Variants in SNTG2 observed in about 807,000 individuals in gnomAD.
SNTG2 encodes the protein syntrophin gamma 2.
A neutral mutation model predicts 70.9 loss-of-function variants in SNTG2; 74 were observed. The observed-to-expected ratio is 1.04, with a 90% confidence interval of 0.86 to 1.27. The LOEUF is 1.27. SNTG2 is among the 50% of genes most tolerant of loss of function. The pLI is 0.00. For missense variants in SNTG2, 717 were observed against 690.7 expected (o/e 1.04, Z -0.43); for synonymous variants, 278 against 273.8 (o/e 1.02, Z -0.15).
intron 1 of SNTG2, among the ~76,000 whole-genome samples, chr2:998,285 A>C (rs1003146653): frequency 3.3e-5 from 5 of 152,188 alleles, no homozygotes; most frequent in African/African-American, 1.2e-4. Context: ...ATTCTCTAGC[A>C]GTATATCCTA....
chr2:1,120,932 A>G (rs114697801), intron 4 of SNTG2, among the ~76,000 whole-genome samples: 3,191 of 152,216 alleles, frequency 0.021, 114 homozygotes, highest in African/African-American at 0.073. Context: ...AGAACTTTCC[A>G]TGCAATAGCA....
At chr2:1,139,617 G>A (rs1668618487) in intron 6 of SNTG2, among the ~76,000 whole-genome samples, 1 of 152,118 alleles carries the variant, frequency 6.6e-6, no homozygotes, top group Non-Finnish European at 1.5e-5. Flanking sequence ...CTTGAGGCCA[G>A]AGGTTCAAGT....
intron 16 of SNTG2, among the ~76,000 whole-genome samples, chr2:1,334,880 C>A (rs575268806): frequency 6.6e-6 from 1 of 152,266 alleles, no homozygotes; most frequent in Admixed American, 6.5e-5. Flanking sequence ...TCTCAGAAAT[C>A]ACTGCTAAAC....
chr2:1,322,297 C>T (rs74668000), intron 16 of SNTG2, among the ~76,000 whole-genome samples: 2,341 of 152,266 alleles, frequency 0.015, 60 homozygotes, highest in African/African-American at 0.053. Flanking sequence ...GACTGCTCTC[C>T]AGAGGCAACC....
chr2:1,173,166 G>A lies in SNTG2; in HGVS notation c.574G>A (p.Gly192Arg), dbSNP rs145266598. The A allele has an allele frequency of 5.3e-5, 86 of 1,613,900 alleles. 1 individual carries two copies. The East Asian group carries it at 1.1e-3, about 21-fold the overall frequency. The change falls in exon 8 of 17, where the codon GGA becomes AGA. Residue 192 changes from glycine (G) to arginine (R), a missense_variant. Coordinates refer to ENST00000308624, the MANE Select transcript of SNTG2 (RefSeq NM_018968.4). Reference protein sequence around the residue: ...PLFDSGLHLNGNSSTTAPSSP... With the variant: ...PLFDSGLHLNRNSSTTAPSSP... ...CTTTGACAGCGGTTTGCATCTGAAC[G>A]GAAACTCCAGTACCACAGTAAGCAT...
At chr2:1,223,347 C>T (rs62107213) in intron 9 of SNTG2, among the ~76,000 whole-genome samples, 3,054 of 82,772 alleles carry the variant, frequency 0.037, no homozygotes, top group Non-Finnish European at 0.045. Flanking sequence ...TGATGGAGGG[C>T]GTCTCCCTGT....
At chr2:1,151,665 C>T (rs757524732) in intron 6 of SNTG2, among the ~76,000 whole-genome samples, 3 of 152,092 alleles carry the variant, frequency 2.0e-5, no homozygotes, top group Non-Finnish European at 2.9e-5. Context: ...TAGGCTGCTC[C>T]GAAAGCCTTT....
chr2:1,180,602 A>T (rs1178816645), intron 8 of SNTG2, among the ~76,000 whole-genome samples: 1 of 148,158 alleles, frequency 6.7e-6, no homozygotes, highest in African/African-American at 2.5e-5. Context: ...AAATAGGAAC[A>T]CTTTTACACT....
intron 1 of SNTG2, among the ~76,000 whole-genome samples, chr2:973,977 A>C (rs1173644168): frequency 2.0e-5 from 3 of 152,020 alleles, no homozygotes; most frequent in African/African-American, 7.2e-5. Flanking sequence ...GTCATTTTGA[A>C]ATTTCTGTCT....
At chr2:1,246,951 T>A (rs1359382338) in intron 11 of SNTG2, among the ~76,000 whole-genome samples, 1 of 152,170 alleles carries the variant, frequency 6.6e-6, no homozygotes, top group Non-Finnish European at 1.5e-5. Flanking sequence ...ACTATAGGAA[T>A]GAAAAATATA....
chr2:1,130,354 C>G (rs1207006605), intron 4 of SNTG2, among the ~76,000 whole-genome samples: 3 of 152,098 alleles, frequency 2.0e-5, no homozygotes, highest in Non-Finnish European at 4.4e-5. Context: ...TGAATAAAAC[C>G]AACTAATGTA....
At chr2:1,070,027 G>C (rs1418032297) in intron 1 of SNTG2, among the ~76,000 whole-genome samples, 1 of 151,994 alleles carries the variant, frequency 6.6e-6, no homozygotes, top group Non-Finnish European at 1.5e-5. Flanking sequence ...TGTTTCTGCA[G>C]TGACGTCAGT....
chr2:1,084,137 C>G (rs1198637226), intron 2 of SNTG2, among the ~76,000 whole-genome samples: 1 of 152,178 alleles, frequency 6.6e-6, no homozygotes, highest in Admixed American at 6.5e-5. Context: ...TTCCAAAAAC[C>G]ATTTCCATTC....
At chr2:1,182,887 G>A (rs988413755) in intron 8 of SNTG2, among the ~76,000 whole-genome samples, 3 of 152,066 alleles carry the variant, frequency 2.0e-5, no homozygotes, top group Non-Finnish European at 2.9e-5. Flanking sequence ...CCAGTAGCTG[G>A]GGCTATAGGT....
chr2:1,202,944 A>G (rs1323652430), intron 8 of SNTG2, among the ~76,000 whole-genome samples: 1 of 145,608 alleles, frequency 6.9e-6, no homozygotes, highest in Non-Finnish European at 1.5e-5. Context: ...TGGGAAAAAC[A>G]CAGAGAAATC....
intron 16 of SNTG2, among the ~76,000 whole-genome samples, chr2:1,324,900 G>C (rs1421090505): frequency 6.6e-6 from 1 of 152,180 alleles, no homozygotes; most frequent in Non-Finnish European, 1.5e-5. Flanking sequence ...ATCAGACTGT[G>C]CTGGTAGTAT....
chr2:1,004,601 C>T lies in SNTG2; in HGVS notation c.72+53533C>T, dbSNP rs571301699. Reference sequence around the variant, plus strand: ...ATGTCAGGGAATTGCAAATTACAGCCGCAATGAGACAACCCTACACCACTG... The same window carrying T: ...ATGTCAGGGAATTGCAAATTACAGCTGCAATGAGACAACCCTACACCACTG... On this transcript the variant is annotated intron_variant, in intron 1 of 16. Transcript: ENST00000308624. Among the ~76,000 whole-genome samples the T allele has an allele frequency of 3.4e-3, 521 of 152,234 alleles. 4 individuals carry two copies. The highest frequency in any genetic ancestry group is 0.011 in the African/African-American group (456 of 41,536).
chr2:1,010,802 C>A (rs1434380387), intron 1 of SNTG2, among the ~76,000 whole-genome samples: 1 of 152,156 alleles, frequency 6.6e-6, no homozygotes, highest in Admixed American at 6.5e-5. Context: ...GTGGCTTGAC[C>A]CCAGGCAGGG....
intron 16 of SNTG2, among the ~76,000 whole-genome samples, chr2:1,329,642 A>G (rs895515275): frequency 6.6e-6 from 1 of 152,202 alleles, no homozygotes; most frequent in Non-Finnish European, 1.5e-5. Context: ...GGAAGAAAAT[A>G]TAATTGCTTT....
Sources: gnomAD v4.1 joint callset for allele counts (sites outside exome capture counted in the v4.1 genomes callset) on GRCh38, gnomAD v4.1.1 for gene constraint, MANE v1.5 for transcripts, NCBI Gene and HGNC (gene_info 2026-07-23, HGNC 2026-07-21) for gene names.